C16orf96: variants seen among roughly 807,000 people sequenced by gnomAD.
The protein encoded by C16orf96 is uncharacterized protein C16orf96.
A neutral mutation model predicts 103.6 loss-of-function variants in C16orf96; 108 were observed. The observed-to-expected ratio is 1.04, with a 90% CI of 0.89 to 1.22. The LOEUF (loss-of-function observed/expected upper bound fraction) is 1.22. Ranked by LOEUF, C16orf96 falls within the 50% of genes most tolerant of loss-of-function variation. C16orf96 has a pLI of 0.00. For missense variants in C16orf96, 1,586 were observed against 1,464.2 expected, an observed-to-expected ratio of 1.08 and a Z score of -1.36; for synonymous variants, 566 against 593.5, an observed-to-expected ratio of 0.95 and a Z score of 0.67.
chr16:4,591,177 A>T lies in C16orf96; in HGVS notation c.2593-489A>T, dbSNP rs552122579. On this transcript the variant is annotated intron_variant, in intron 9 of 15. Coordinates refer to ENST00000444310, the MANE Select transcript of C16orf96 (RefSeq NM_001145011.2). ...GCTCCAGCCTGGGCAACAGAGCGAG[A>T]CTCTGTCTCAAAAATAAATAAATAA... Among the ~76,000 whole-genome samples the T allele has an allele frequency of 2.6e-5, 4 of 152,322 alleles. No homozygotes were observed. In the East Asian group the frequency reaches 7.7e-4, roughly 29 times the overall value.
the C16orf96 span, among the ~76,000 whole-genome samples, chr16:4,544,108 T>A: frequency 1.3e-5 from 2 of 151,548 alleles, no homozygotes; most frequent in East Asian, 3.9e-4. Context: ...AGGCAAAGGG[T>A]TGGTCCCAAG....
rs560151051 is a variant in C16orf96 at position 4,577,155 on chromosome 16, C to T, written c.2155+520C>T. 3.3e-5 allele frequency among the ~76,000 whole-genome samples: 5 copies of T among 152,014 alleles called. No homozygotes were observed. The South Asian group carries it at 8.3e-4, about 25-fold the overall frequency. Reference sequence around the variant, plus strand: ...GCGGTGAGCCAAGATCATGCCATTGCGCTCCAGCCTGGGCAACAAGAACGA... The same window carrying T: ...GCGGTGAGCCAAGATCATGCCATTGTGCTCCAGCCTGGGCAACAAGAACGA... On this transcript the variant is annotated intron_variant, in intron 5 of 15. Coordinates refer to ENST00000444310, the MANE Select transcript of C16orf96 (RefSeq NM_001145011.2).
chr16:4,578,056 G>C (rs1298894863), intron 5 of C16orf96, among the ~76,000 whole-genome samples: 1 of 152,122 alleles, frequency 6.6e-6, no homozygotes, highest in Non-Finnish European at 1.5e-5. Flanking sequence ...ACTGCACTGG[G>C]TTATGATCGT....
At chr16:4,552,949 T>G (rs1011683858), upstream of C16orf96, among the ~76,000 whole-genome samples, 4 of 152,170 alleles carry the variant, frequency 2.6e-5, no homozygotes, top group African/African-American at 9.7e-5. Context: ...TGACAGCTCC[T>G]TCGGAGCTAT....
chr16:4,553,608 G>A (rs150298224), upstream of C16orf96, among the ~76,000 whole-genome samples: 263 of 152,248 alleles, frequency 1.7e-3, 1 homozygote, highest in African/African-American at 6.0e-3. Flanking sequence ...CTCTTGAGTA[G>A]CTGGGATTAC....
At chr16:4,567,026 TTTC>T (rs1208546052) in intron 1 of C16orf96, among the ~76,000 whole-genome samples, 1 of 152,098 alleles carries the variant, frequency 6.6e-6, no homozygotes, top group Non-Finnish European at 1.5e-5. Flanking sequence ...TCTTTGTTAT[TTTC>T]TTATTTCTAT....
In C16orf96 at chr16:4,600,089, C is replaced by T; in HGVS notation, c.3209-11C>T. On this transcript the variant is annotated splice_polypyrimidine_tract_variant and intron_variant, in intron 15 of 15. Transcript: ENST00000444310. Reference sequence around the variant, plus strand: ...TGGCACACATCTAGGGTTTCTCCTGCCCCTCCCCAGCCCTGTGCCCCCGCT... The same window carrying T: ...TGGCACACATCTAGGGTTTCTCCTGTCCCTCCCCAGCCCTGTGCCCCCGCT... 1.3e-6 allele frequency: 2 copies of T among 1,549,630 alleles called. No homozygotes were observed. The highest frequency in any genetic ancestry group is 4.9e-5 in the East Asian group (2 of 40,920).
At chr16:4,571,903 G>A (rs904746371) in intron 2 of C16orf96, among the ~76,000 whole-genome samples, 1 of 150,146 alleles carries the variant, frequency 6.7e-6, no homozygotes, top group African/African-American at 2.5e-5. Context: ...AGGATGGAGT[G>A]CAATGGCATG....
chr16:4,592,498 C>A, intron 11 of C16orf96, 131 bp downstream of exon 11: 1 of 1,105,870 alleles, frequency 9.0e-7, no homozygotes, highest in Non-Finnish European at 1.3e-6. Context: ...GCATTCTCTC[C>A]AGCCATCAAG....
Position 4,575,027 on chromosome 16 carries a change from G to A in C16orf96, c.662G>A (p.Trp221Ter). ...CCCAAAACCGAGGACATGGTGCTCT[G>A]GAGTGGCCTTCATGATGCCATGTTC... is the stretch of plus-strand genomic sequence containing the variant. ...TIPKTEDMVLWSGLHDAMFTS... is the reference protein window; with the variant it reads ...TIPKTEDMVL The change falls in exon 4 of 16, where the codon TGG (tryptophan) becomes TAG (stop). Residue 221 changes from tryptophan (W) to a stop codon, truncating the protein, a stop_gained. Coordinates refer to ENST00000444310, the MANE Select transcript of C16orf96 (RefSeq NM_001145011.2). LOFTEE classifies it high-confidence loss of function. The A allele has an allele frequency of 2.6e-6, 4 of 1,551,514 alleles. No homozygotes were observed. Among genetic ancestry groups the A allele is most frequent in the Non-Finnish European group, 3.5e-6 (4 of 1,147,008 alleles).
chr16:4,577,533 C>A (rs573884857), intron 5 of C16orf96, among the ~76,000 whole-genome samples: 14 of 152,224 alleles, frequency 9.2e-5, no homozygotes, highest in Admixed American at 7.9e-4. Context: ...CGCCTGTAGT[C>A]CCAGCTACTC....
chr16:4,540,698 G>A, the C16orf96 span, among the ~76,000 whole-genome samples: 1 of 151,760 alleles, frequency 6.6e-6, no homozygotes, highest in Admixed American at 6.6e-5. Context: ...CTGCTCTCCA[G>A]CCTGGGAGAC....
intron 14 of C16orf96, among the ~76,000 whole-genome samples, chr16:4,598,882 T>A (rs771706038): frequency 2.6e-5 from 4 of 151,804 alleles, no homozygotes; most frequent in Non-Finnish European, 5.9e-5. Flanking sequence ...CTTTGGGAGG[T>A]CAAGGTGGGA....
intron 2 of C16orf96, among the ~76,000 whole-genome samples, chr16:4,573,165 T>C (rs2059457549): frequency 6.6e-6 from 1 of 152,028 alleles, no homozygotes; most frequent in Admixed American, 6.6e-5. Context: ...CGGCGGGGCC[T>C]GGTGTCTCAC....
At chr16:4,584,124 G>T (rs996446560) in intron 7 of C16orf96, among the ~76,000 whole-genome samples, 2 of 152,112 alleles carry the variant, frequency 1.3e-5, no homozygotes, top group African/African-American at 2.4e-5. Flanking sequence ...ACAAATGCAG[G>T]ATGGGAGCAA....
chr16:4,540,589 C>T, the C16orf96 span, among the ~76,000 whole-genome samples: 17 of 151,922 alleles, frequency 1.1e-4, no homozygotes, highest in African/African-American at 3.1e-4. Context: ...AAAAATTAGC[C>T]CGGCATACAC....
intron 14 of C16orf96, among the ~76,000 whole-genome samples, chr16:4,598,372 GAAA>G (rs1897217571): frequency 4.0e-5 from 1 of 25,256 alleles, no homozygotes; most frequent in Non-Finnish European, 3.4e-4. Context: ...AAAGAAAAAA[GAAA>G]AGAAATGTCC....
rs2059501775 is a variant in C16orf96 at position 4,575,990 on chromosome 16, C to G, written c.1510C>G (p.His504Asp). Residue 504 changes from histidine (H) to aspartate (D), a missense_variant, in exon 5 of 16, where the codon CAC becomes GAC. His to Asp is a moderately conservative substitution (Grantham distance 81). Coordinates refer to ENST00000444310, the MANE Select transcript of C16orf96 (RefSeq NM_001145011.2). ...GGATGTGGACCCCAAGGATAGAGCTCACAAGGATGATGTCCCCAAAGATAG... is the reference window on the plus strand; with the variant it reads ...GGATGTGGACCCCAAGGATAGAGCTGACAAGGATGATGTCCCCAAAGATAG... ...GKDVDPKDRAHKDDVPKDRGG... is the reference protein window; with the variant it reads ...GKDVDPKDRADKDDVPKDRGG... 2.6e-6 allele frequency: 4 copies of G among 1,549,974 alleles called. No individual in the cohort carries two copies. The highest frequency in any genetic ancestry group is 2.4e-5 in the South Asian group (2 of 83,936).
chr16:4,567,692 C>CTTT lies in C16orf96; in HGVS notation c.421-3846_421-3844dup, dbSNP rs60143866. ...AATTTTCAATAGTTTCTTCTGTTGC[C>CTTT]TTTTTTTTTTTTTTTTTTTTTTTTT... On this transcript the variant is annotated intron_variant, in intron 1 of 15. Transcript: ENST00000444310. 1.4e-3 allele frequency among the ~76,000 whole-genome samples: 64 copies of CTTT among 44,546 alleles called. 1 individual carries two copies. Among genetic ancestry groups the CTTT allele is most frequent in the African/African-American group, 4.1e-3 (47 of 11,602 alleles). 29.2% of individuals were successfully genotyped at this position (44,546 alleles called of 152,430 possible).
Sources: gnomAD v4.1 joint callset for allele counts (sites outside exome capture counted in the v4.1 genomes callset) on GRCh38, gnomAD v4.1.1 for gene constraint, MANE v1.5 for transcripts, NCBI Gene and HGNC (gene_info 2026-07-23, HGNC 2026-07-21) for gene names.